Variants in ING5 observed in about 807,000 individuals in gnomAD.
The protein encoded by ING5 is inhibitor of growth family member 5, also known as inhibitor of growth protein 5.
ING5 carries 17 observed loss-of-function variants against 37.4 expected under a neutral mutation model. That is an observed-to-expected ratio of 0.45 (90% CI 0.31 to 0.68). ING5 has a LOEUF of 0.68. ING5 is among the 30% of genes least tolerant of loss of function. The pLI is 0.05. For synonymous variants in ING5, 123 were observed against 116.6 expected (o/e 1.06, Z -0.36); for missense variants, 233 against 311.9 (o/e 0.75, Z 1.91).
chr2:241,698,015 G>A (rs530303989), upstream of ING5, among the ~76,000 whole-genome samples: 50 of 150,992 alleles, frequency 3.3e-4, no homozygotes, highest in South Asian at 6.7e-3. Flanking sequence ...CCCAGAAGGC[G>A]GAGGTTGTAG....
At chr2:241,700,000 T>G (rs1277989547), upstream of ING5, among the ~76,000 whole-genome samples, 1 of 152,170 alleles carries the variant, frequency 6.6e-6, no homozygotes, top group South Asian at 2.1e-4. Context: ...TTTTATATTT[T>G]AAGATGGAGT....
chr2:241,721,958 G>A lies in ING5; in HGVS notation c.483-981G>A, dbSNP rs2070446687. On this transcript the variant is annotated intron_variant, in intron 5 of 7. Coordinates refer to ENST00000313552, the MANE Select transcript of ING5 (RefSeq NM_032329.6). ...TGTAGAAACCCACGTGGGAGCTGATGGGGATGAAGGAGTGACAAGGATGGT... is the reference window on the plus strand; with the variant it reads ...TGTAGAAACCCACGTGGGAGCTGATAGGGATGAAGGAGTGACAAGGATGGT... 7.1e-6 allele frequency: 7 copies of A among 985,216 alleles called. No individual in the cohort carries two copies. In the South Asian group the frequency reaches 2.8e-4, roughly 40 times the overall value. 61.0% of individuals were successfully genotyped at this position (985,216 alleles called of 1,614,324 possible).
Position 241,725,305 on chromosome 2 carries a change from C to A in ING5, c.*274C>A. On this transcript the variant is annotated 3_prime_UTR_variant, in exon 8 of 8. Coordinates refer to ENST00000313552, the MANE Select transcript of ING5 (RefSeq NM_032329.6). The stretch of plus-strand genomic sequence containing the variant: ...ACCCCGGCGGACGTGGGCGGGCGCG[C>A]GTGAGCTCGGGCTGCCCGGCCGGGC... The A allele has an allele frequency of 2.1e-6, 1 of 472,156 alleles. No individual in the cohort carries two copies. The highest frequency in any genetic ancestry group is 2.2e-5 in the South Asian group (1 of 45,618). 29.2% of individuals were successfully genotyped at this position (472,156 alleles called of 1,614,324 possible). A position where few individuals can be genotyped will look rare whatever the true frequency, so the allele number is the denominator to read the frequency against.
rs1157590619 is a variant in ING5 at position 241,725,403 on chromosome 2, C to T, written c.*372C>T. ...CCTCGCGTAGCTTTCCTGTGGTTTT[C>T]CAGGACTGTCCGGTACAGCCCGGGC... On this transcript the variant is annotated 3_prime_UTR_variant, in exon 8 of 8. Transcript: ENST00000313552. 1.5e-4 allele frequency: 40 copies of T among 259,260 alleles called. No individual in the cohort carries two copies. Among genetic ancestry groups the T allele is most frequent in the Non-Finnish European group, 1.7e-4 (23 of 133,050 alleles). The allele number at this position is 259,260 out of a possible 1,614,324, so 16.1% of individuals were successfully genotyped here.
chr2:241,720,292 T>A, intron 5 of ING5: 1 of 1,226,672 alleles, frequency 8.2e-7, no homozygotes, highest in Non-Finnish European at 1.0e-6. Context: ...ACGCCCCTCG[T>A]GGTCACGCTG....
chr2:241,706,625 CAAAAA>C (rs770869002), intron 2 of ING5, among the ~76,000 whole-genome samples: 3 of 109,330 alleles, frequency 2.7e-5, no homozygotes, highest in Admixed American at 1.0e-4. Flanking sequence ...AACTCCATCT[CAAAAA>C]AAAAAAAAAA....
chr2:241,715,311 C>T (rs1220332852), intron 5 of ING5, among the ~76,000 whole-genome samples: 6 of 151,772 alleles, frequency 4.0e-5, no homozygotes, highest in South Asian at 4.2e-4. Flanking sequence ...CCTCCCACTT[C>T]GGCCTCCCAA....
rs573326553 is a variant in ING5 at position 241,717,360 on chromosome 2, C to G, written c.482+5289C>G. The stretch of plus-strand genomic sequence containing the variant: ...TGGCAGGATGACAGGCATGAGCCAC[C>G]GCGCCTGGCCCAACTATTATTTCTT... On this transcript the variant is annotated intron_variant, in intron 5 of 7. Coordinates refer to ENST00000313552, the MANE Select transcript of ING5 (RefSeq NM_032329.6). Among the ~76,000 whole-genome samples, 18 of 152,252 alleles carry G rather than the reference C, an allele frequency of 1.2e-4. No homozygotes were observed. The East Asian group carries it at 3.5e-3, about 29-fold the overall frequency.
In ING5 at chr2:241,727,476, G is replaced by C. The variant is rs1459628323; in HGVS notation, c.*2445G>C. On this transcript the variant is annotated 3_prime_UTR_variant, in exon 8 of 8. Coordinates refer to ENST00000313552, the MANE Select transcript of ING5 (RefSeq NM_032329.6). ...TTATAGGCGTCCACCACCACGCCCA[G>C]CTAATTTTTGTATTTTTAGTAGAAA... 2 of 152,018 alleles carry C rather than the reference G, an allele frequency of 1.3e-5. No homozygotes were observed. Among genetic ancestry groups the C allele is most frequent in the Non-Finnish European group, 2.9e-5 (2 of 68,032 alleles). 9.4% of individuals were successfully genotyped at this position (152,018 alleles called of 1,614,324 possible).
At chr2:241,715,285 C>A (rs2070231320) in intron 5 of ING5, among the ~76,000 whole-genome samples, 1 of 151,956 alleles carries the variant, frequency 6.6e-6, no homozygotes, top group Non-Finnish European at 1.5e-5. Flanking sequence ...GCCTCCACCT[C>A]CTGGGCTCAA....
At position 241,729,329 on chromosome 2, in the gene ING5, A is replaced by G. The variant is rs910821420; in HGVS notation, c.*4298A>G. ...ACATGAATGTTACATTTTTATTTTCAAGGAATTATTATCTATGTTCCCTTT... is the reference window on the plus strand; with the variant it reads ...ACATGAATGTTACATTTTTATTTTCGAGGAATTATTATCTATGTTCCCTTT... On this transcript the variant is annotated 3_prime_UTR_variant, in exon 8 of 8. Coordinates refer to ENST00000313552, the MANE Select transcript of ING5 (RefSeq NM_032329.6). 7 of 152,630 alleles carry G rather than the reference A, an allele frequency of 4.6e-5. No homozygotes were observed. Among genetic ancestry groups the G allele is most frequent in the African/African-American group, 1.7e-4 (7 of 41,442 alleles). 9.5% of individuals were successfully genotyped at this position (152,630 alleles called of 1,614,324 possible).
chr2:241,690,695 G>A, intron 2 of ING5: 1 of 398,682 alleles, frequency 2.5e-6, no homozygotes, highest in Non-Finnish European at 4.4e-6. Context: ...GGGATGCTGG[G>A]TCTGTGTGGT....
At position 241,704,690 on chromosome 2, in the gene ING5, C is replaced by G. The variant is rs776795625; in HGVS notation, c.75C>G (p.Phe25Leu). Residue 25 changes from phenylalanine to leucine, a missense_variant, in exon 2 of 8, where the codon TTC becomes TTG. This residue lies in a region of ING5 where 93 missense variants were observed against 99.7 expected (regional missense o/e 0.93). Transcript: ENST00000313552. ...TTCCCTGCGAACTTCAGAGGAACTT[C>G]CAGCTGATGCGAGAGCTGGACCAGA... is the stretch of plus-strand genomic sequence containing the variant. ...ENLPCELQRN[F>L]QLMRELDQRT... The G allele has an allele frequency of 1.2e-6, 2 of 1,614,166 alleles. No individual in the cohort carries two copies. Among genetic ancestry groups the G allele is most frequent in the Non-Finnish European group, 1.7e-6 (2 of 1,180,000 alleles).
intron 7 of ING5, 101 bp from the exon 8 acceptor site, chr2:241,724,888 G>C: frequency 7.9e-7 from 1 of 1,264,164 alleles, no homozygotes; most frequent in Non-Finnish European, 1.1e-6. Context: ...CCCTCCTGCC[G>C]GCGTCCAGCA....
rs137967709 is a variant in ING5 at position 241,695,286 on chromosome 2, C to T, written c.43+4633C>T. 1.0e-3 allele frequency among the ~76,000 whole-genome samples: 154 copies of T among 152,098 alleles called. 3 individuals are homozygous for T. Among genetic ancestry groups the T allele is most frequent in the African/African-American group, 3.4e-3 (142 of 41,372 alleles). The stretch of plus-strand genomic sequence containing the variant: ...CATGTGGGTGTTCTGGCCCACGGTG[C>T]CAGCTGACATCAGCCTTCCAGCCAC... On this transcript the variant is annotated intron_variant, in intron 2 of 7. Coordinates refer to the ING5 transcript ENST00000636051.
At chr2:241,718,654 G>T (rs1342845911) in intron 5 of ING5, among the ~76,000 whole-genome samples, 1 of 152,026 alleles carries the variant, frequency 6.6e-6, no homozygotes, top group Non-Finnish European at 1.5e-5. Flanking sequence ...GCCTCAGGTG[G>T]ATCTGCCTGT....
chr2:241,721,705 A>G, intron 5 of ING5: 1 of 985,378 alleles, frequency 1.0e-6, no homozygotes, highest in Non-Finnish European at 1.2e-6. Context: ...TAGGGAAGAT[A>G]CTTTTTCTTT....
At chr2:241,716,833 A>T (rs1332921259) in intron 5 of ING5, among the ~76,000 whole-genome samples, 1 of 152,172 alleles carries the variant, frequency 6.6e-6, no homozygotes, top group Non-Finnish European at 1.5e-5. Context: ...TGGAATGTAA[A>T]GATGTTGAAC....
upstream of ING5, chr2:241,702,003 C>T: frequency 8.1e-7 from 1 of 1,239,988 alleles, no homozygotes; most frequent in South Asian, 2.0e-5. Flanking sequence ...CTGGCACCGC[C>T]CCGCCCCCGC....
Sources: gnomAD v4.1 joint callset for allele counts (sites outside exome capture counted in the v4.1 genomes callset) on GRCh38, gnomAD v4.1.1 for gene constraint, gnomAD v4.1.1 regional missense constraint, MANE v1.5 for transcripts, NCBI Gene and HGNC (gene_info 2026-07-23, HGNC 2026-07-21) for gene names.